The following HSPA8 variants were observed in gnomAD, a reference collection of about 807,000 sequenced individuals.
HSPA8 encodes the protein heat shock protein family A (Hsp70) member 8.
HSPA8 carries 2 observed loss-of-function variants against 52.8 expected under a neutral mutation model. The observed-to-expected ratio is 0.04, with a 90% CI of 0.02 to 0.12. The LOEUF is 0.12. Among genes scored for constraint, HSPA8 ranks in the 10% least tolerant of loss-of-function variants. HSPA8 has a pLI of 1.00. For missense variants in HSPA8, 349 were observed against 800.5 expected, an observed-to-expected ratio of 0.44 and a Z score of 6.81; for synonymous variants, 436 against 274.0, an observed-to-expected ratio of 1.59 and a Z score of -5.84.
At position 123,062,049 on chromosome 11, in the gene HSPA8, G is replaced by A. The variant is rs1176098962; in HGVS notation, c.-6+15C>T. The stretch of plus-strand genomic sequence containing the variant: ...CTCCCAGACCCACAACCCAACTCTT[G>A]AGCAGAGGTTTTACCTGGGGTGTAG... On this transcript the variant is annotated intron_variant, in intron 1 of 8. Coordinates refer to ENST00000534624, the MANE Select transcript of HSPA8 (RefSeq NM_006597.6). The A allele has an allele frequency of 6.6e-6, 1 of 152,514 alleles. No individual in the cohort carries two copies. 9.4% of individuals were successfully genotyped at this position (152,514 alleles called of 1,614,324 possible).
chr11:123,060,403 T>C (rs938983071), intron 3 of HSPA8, 135 bp from the exon 4 acceptor site: 2 of 989,886 alleles, frequency 2.0e-6, no homozygotes, highest in African/African-American at 1.6e-5. Context: ...TGTGTAATTG[T>C]CAAGATTCAC....
rs140536048 is a variant in HSPA8, at chr11:123,060,671, G to C, written c.333C>G (p.Thr111=). 559 of 1,613,392 alleles carry C rather than the reference G, an allele frequency of 3.5e-4. 9 individuals are homozygous for C. The East Asian group carries it at 0.011, about 32-fold the overall frequency. Residue 111 remains threonine, a synonymous_variant, in exon 3 of 9, where the codon ACC becomes ACG. Transcript: ENST00000534624. ...ACACCTCCTCTGGATAGAAGCTTTTGGTCTCTCCCTTGTATTCTACTTGGA... is the reference window on the plus strand; with the variant it reads ...ACACCTCCTCTGGATAGAAGCTTTTCGTCTCTCCCTTGTATTCTACTTGGA... ...PKVQVEYKGE[T]KSFYPEEVSS... is the part of the protein sequence containing the mutation.
chr11:123,060,035 T>G lies in HSPA8; in HGVS notation c.565-7A>C, dbSNP rs373796555. Reference sequence around the variant, plus strand: ...CGTTTCTTTCTGCTCCAACCTGCCGTTAAAAACAATCTCATTTAAATTTAC... The same window carrying G: ...CGTTTCTTTCTGCTCCAACCTGCCGGTAAAAACAATCTCATTTAAATTTAC... On this transcript the variant is annotated splice_region_variant and splice_polypyrimidine_tract_variant and intron_variant, in intron 4 of 8. Coordinates refer to ENST00000534624, the MANE Select transcript of HSPA8 (RefSeq NM_006597.6). 1.2e-5 allele frequency: 19 copies of G among 1,613,990 alleles called. No individual in the cohort carries two copies. In the Admixed American group the frequency reaches 3.2e-4, roughly 27 times the overall value.
At chr11:123,061,043 C>A in intron 2 of HSPA8, 77 bp downstream of exon 2, 4 of 1,286,000 alleles carry the variant, frequency 3.1e-6, no homozygotes, top group Non-Finnish European at 4.5e-6. Flanking sequence ...TCAAAAAGTT[C>A]CCTCCTCACG....
chr11:123,058,836 T>TA lies in HSPA8; in HGVS notation c.1324-7dup. 6.2e-7 allele frequency: 1 copy of TA among 1,613,816 alleles called. No homozygotes were observed. Among genetic ancestry groups the TA allele is most frequent in the Non-Finnish European group, 8.5e-7 (1 of 1,179,780 alleles). ...GCACGCTCGCCTTCATAAACCTTGG[T>TA]AGGAAATAAAACAAATTACTACAAT... On this transcript the variant is annotated splice_polypyrimidine_tract_variant and splice_region_variant and intron_variant, in intron 6 of 8. Coordinates refer to ENST00000534624, the MANE Select transcript of HSPA8 (RefSeq NM_006597.6).
At chr11:123,060,545 G>C in intron 3 of HSPA8, 48 bp downstream of exon 3, 1 of 1,410,736 alleles carries the variant, frequency 7.1e-7, no homozygotes, top group Admixed American at 1.7e-5. Flanking sequence ...GAGTCATCGG[G>C]CTTTTAACTA....
In HSPA8 at chr11:123,059,852, G is replaced by C. The variant is rs761623666; in HGVS notation, c.741C>G (p.Arg247=). 4 of 1,613,246 alleles carry C rather than the reference G, an allele frequency of 2.5e-6. No homozygotes were observed. The East Asian group carries it at 8.9e-5, about 36-fold the overall frequency. Residue 247 remains arginine (R), a synonymous_variant, in exon 5 of 9, where the codon CGC becomes CGG. Transcript: ENST00000534624. ...TCTCACTGATGTCCTTCTTATGCTT[G>C]CGCTTAAACTCAGCAATAAAATGGT... The part of the protein sequence containing the change: ...MVNHFIAEFK[R]KHKKDISENK...
At chr11:123,061,084 T>C in intron 2 of HSPA8, 36 bp downstream of exon 2, 1 of 1,561,022 alleles carries the variant, frequency 6.4e-7, no homozygotes, top group Non-Finnish European at 8.8e-7. Context: ...CCTAGCCCTG[T>C]TATATTTGTT....
chr11:123,060,962 G>C, intron 2 of HSPA8, 158 bp downstream of exon 2: 2 of 881,490 alleles, frequency 2.3e-6, no homozygotes, highest in Non-Finnish European at 3.5e-6. Flanking sequence ...CCAGATTTCA[G>C]CCTGAAAGGT....
chr11:123,060,337 G>C (rs778309377), intron 3 of HSPA8, 69 bp from the exon 4 acceptor site: 10 of 1,416,190 alleles, frequency 7.1e-6, no homozygotes, highest in Non-Finnish European at 9.9e-6. Flanking sequence ...CCAGCAAATG[G>C]ATTAATGCTG....
intron 8 of HSPA8, 118 bp downstream of exon 8, chr11:123,058,134 G>C (rs1485700130): frequency 2.6e-5 from 20 of 767,952 alleles, no homozygotes; most frequent in Non-Finnish European, 4.3e-5. Flanking sequence ...TGGAAACCGC[G>C]AATGTTTTGG....
chr11:123,060,540 A>T lies in HSPA8; in HGVS notation c.411+53T>A, dbSNP rs545449511. On this transcript the variant is annotated intron_variant, in intron 3 of 8. Transcript: ENST00000534624. ...CCAGGTGCCAGTGCCCCCGGGAGTC[A>T]TCGGGCTTTTAACTACTCCGGAATG... 153 of 1,369,736 alleles carry T rather than the reference A, an allele frequency of 1.1e-4. 2 individuals carry two copies. The South Asian group carries it at 1.5e-3, about 14-fold the overall frequency. The allele number at this position is 1,369,736 out of a possible 1,614,324, so 84.8% of individuals were successfully genotyped here.
intron 1 of HSPA8, 123 bp from the exon 2 acceptor site, chr11:123,061,452 C>A: frequency 1.3e-6 from 1 of 750,144 alleles, no homozygotes; most frequent in Non-Finnish European, 2.2e-6. Flanking sequence ...TGCCCATCAC[C>A]TCCTGTCTAA....
chr11:123,059,935 T>G lies in HSPA8; in HGVS notation c.658A>C (p.Lys220Gln), dbSNP rs1431250178. ...AAGTGGGTGTCTCCAGCTGTAGACTTGACCTCAAAGATTCCATCCTCAATA... is the reference window on the plus strand; with the variant it reads ...AAGTGGGTGTCTCCAGCTGTAGACTGGACCTCAAAGATTCCATCCTCAATA... Reference protein sequence around the residue: ...LTIEDGIFEVKSTAGDTHLGG... With the variant: ...LTIEDGIFEVQSTAGDTHLGG... The change falls in exon 5 of 9, where the codon AAG (lysine) becomes CAG (glutamine). Residue 220 changes from lysine (K) to glutamine (Q), a missense_variant. Transcript: ENST00000534624. 6.2e-7 allele frequency: 1 copy of G among 1,613,948 alleles called. No homozygotes were observed. Among genetic ancestry groups the G allele is most frequent in the Non-Finnish European group, 8.5e-7 (1 of 1,180,030 alleles).
chr11:123,058,481 C>A lies in HSPA8; in HGVS notation c.1526G>T (p.Arg509Leu). Residue 509 changes from arginine to leucine, a missense_variant, in exon 8 of 9, where the codon CGT becomes CTT. Coordinates refer to ENST00000534624, the MANE Select transcript of HSPA8 (RefSeq NM_006597.6). ...NKITITNDKG[R>L]LSKEDIERMV... ...ACGTTCAATGTCTTCCTTGCTCAAA[C>A]GGCCTAGGAAAGAAATTAACTCTAA... 1 of 1,613,632 alleles carries A rather than the reference C, an allele frequency of 6.2e-7. No individual in the cohort carries two copies. Among genetic ancestry groups the A allele is most frequent in the Non-Finnish European group, 8.5e-7 (1 of 1,179,594 alleles).
rs139484659 is a variant in HSPA8, at chr11:123,059,537, G to C, written c.1056C>G (p.Asp352Glu). The change falls in exon 5 of 9, where the codon GAC becomes GAG. Residue 352 changes from aspartate to glutamate, a missense_variant. Physicochemically the swap from Asp to Glu is conservative, Grantham distance 45. Transcript: ENST00000534624. ...TATTCAGTTCTTTTCCATTGAAGAA[G>C]TCTTGGAGAAGCTTCTGAATCTTGG... Reference protein sequence around the residue: ...RIPKIQKLLQDFFNGKELNKS... With the variant: ...RIPKIQKLLQEFFNGKELNKS... 6.2e-7 allele frequency: 1 copy of C among 1,613,936 alleles called. No homozygotes were observed.
rs1018272436 is a variant in HSPA8 at position 123,061,650 on chromosome 11, G to A, written c.-5-321C>T. 3.0e-5 allele frequency: 12 copies of A among 406,036 alleles called. No individual in the cohort carries two copies. The Admixed American group carries it at 3.9e-4, about 13-fold the overall frequency. The allele number at this position is 406,036 out of a possible 1,614,324, so 25.2% of individuals were successfully genotyped here. Reference sequence around the variant, plus strand: ...GTGCCAGTGCCCCCGGGAGTCAACGGGCTTTTAACTACTCCGGAATGTACC... The same window carrying A: ...GTGCCAGTGCCCCCGGGAGTCAACGAGCTTTTAACTACTCCGGAATGTACC... On this transcript the variant is annotated intron_variant, in intron 1 of 8. Coordinates refer to ENST00000534624, the MANE Select transcript of HSPA8 (RefSeq NM_006597.6).
intron 4 of HSPA8, 39 bp downstream of exon 4, chr11:123,060,077 C>T: frequency 6.2e-7 from 1 of 1,614,116 alleles, no homozygotes; most frequent in Non-Finnish European, 8.5e-7. Flanking sequence ...TCAAATTAAT[C>T]TTAAAATAAT....
At position 123,059,325 on chromosome 11, in the gene HSPA8, T is replaced by C. The variant is rs932006112; in HGVS notation, c.1121-64A>G. ...AAAACCCAGTACATAGCTCCTGTTT[T>C]AACTATCACTCGCTCAGACATCCAA... On this transcript the variant is annotated intron_variant, in intron 5 of 8. Coordinates refer to ENST00000534624, the MANE Select transcript of HSPA8 (RefSeq NM_006597.6). 7.6e-6 allele frequency: 11 copies of C among 1,449,052 alleles called. No homozygotes were observed. The East Asian group carries it at 2.5e-4, about 33-fold the overall frequency. 89.8% of individuals were successfully genotyped at this position (1,449,052 alleles called of 1,614,324 possible).
Sources: gnomAD v4.1 joint callset for allele counts on GRCh38, gnomAD v4.1.1 for gene constraint, MANE v1.5 for transcripts, NCBI Gene and HGNC (gene_info 2026-07-23, HGNC 2026-07-21) for gene names.